The following SYT1 variants were observed in gnomAD, a reference collection of about 807,000 sequenced individuals.
The protein encoded by SYT1 is synaptotagmin-1.
In SYT1, 8 loss-of-function variants were observed where a neutral mutation model predicts 44.8. The observed-to-expected ratio is 0.18, with a 90% confidence interval of 0.10 to 0.32. SYT1 has a LOEUF of 0.32. Ranked by LOEUF, SYT1 falls within the 10% of genes least tolerant of loss-of-function variation. The probability of loss-of-function intolerance (pLI) is 1.00; values close to 1 mark genes in which losing one functional copy is unlikely to be tolerated. For synonymous variants in SYT1, 154 were observed against 188.8 expected, an observed-to-expected ratio of 0.82 and a Z score of 1.51; for missense variants, 286 against 509.3, an observed-to-expected ratio of 0.56 and a Z score of 4.22.
intron 9 of SYT1, among the ~76,000 whole-genome samples, chr12:79,432,460 G>A (rs368190705): frequency 6.6e-6 from 1 of 151,522 alleles, no homozygotes; most frequent in African/African-American, 2.4e-5. Context: ...GAGAACATGC[G>A]GTTTTTGGTT....
At chr12:79,124,705 A>T (rs1868348693) in intron 3 of SYT1, among the ~76,000 whole-genome samples, 1 of 152,164 alleles carries the variant, frequency 6.6e-6, no homozygotes, top group Non-Finnish European at 1.5e-5. Flanking sequence ...ATGAGTAGAA[A>T]ATAAGACTCT....
Position 79,321,386 on chromosome 12 carries a change from A to G in SYT1, c.810+21835A>G, listed in dbSNP as rs951079372. ...GGGTCCCTGGTAATGAACTTATGAA[A>G]GAAATGTATCATGTGAATATGGTGA... On this transcript the variant is annotated intron_variant, in intron 8 of 10. Coordinates refer to ENST00000261205, the MANE Select transcript of SYT1 (RefSeq NM_005639.3). Among the ~76,000 whole-genome samples the G allele has an allele frequency of 2.0e-5, 3 of 152,238 alleles. No homozygotes were observed. In the East Asian group the frequency reaches 5.8e-4, roughly 29 times the overall value.
At chr12:79,188,834 G>A (rs1026147138) in intron 3 of SYT1, among the ~76,000 whole-genome samples, 35 of 152,044 alleles carry the variant, frequency 2.3e-4, no homozygotes, top group African/African-American at 7.5e-4. Context: ...CAATGAATGT[G>A]GAGTAGTTGT....
intron 4 of SYT1, among the ~76,000 whole-genome samples, chr12:79,281,525 A>T (rs905348870): frequency 1.3e-5 from 2 of 152,040 alleles, no homozygotes; most frequent in Admixed American, 1.3e-4. Context: ...AACACTGGAG[A>T]CTCAAAAGTG....
chr12:79,203,843 T>C (rs1217977963), intron 3 of SYT1, among the ~76,000 whole-genome samples: 7 of 152,248 alleles, frequency 4.6e-5, no homozygotes, highest in Non-Finnish European at 1.0e-4. Flanking sequence ...TTATTTATAC[T>C]AGAGTATATT....
At chr12:79,340,617 G>T (rs565045664) in intron 8 of SYT1, among the ~76,000 whole-genome samples, 63 of 152,206 alleles carry the variant, frequency 4.1e-4, no homozygotes, top group Non-Finnish European at 8.4e-4. Context: ...CTGCAAACAG[G>T]GACAATTTGA....
At chr12:78,899,476 T>G (rs1252189004) in intron 1 of SYT1, among the ~76,000 whole-genome samples, 1 of 151,994 alleles carries the variant, frequency 6.6e-6, no homozygotes, top group Non-Finnish European at 1.5e-5. Context: ...ATAATTTGTA[T>G]TAAATACATA....
At chr12:79,365,849 AAGC>A (rs1883520410) in intron 9 of SYT1, among the ~76,000 whole-genome samples, 1 of 151,786 alleles carries the variant, frequency 6.6e-6, no homozygotes, top group Non-Finnish European at 1.5e-5. Context: ...AAAAAAAAAA[AAGC>A]AGGTCATTAG....
intron 9 of SYT1, among the ~76,000 whole-genome samples, chr12:79,419,925 C>T (rs1450723890): frequency 1.3e-5 from 2 of 152,184 alleles, no homozygotes; most frequent in East Asian, 3.9e-4. Flanking sequence ...TGTGCATTTT[C>T]AAGCTTTATA....
chr12:79,300,719 G>A (rs1360792056), intron 8 of SYT1, among the ~76,000 whole-genome samples: 2 of 145,546 alleles, frequency 1.4e-5, no homozygotes, highest in Admixed American at 7.0e-5. Context: ...AAAAAAGTAT[G>A]TATACTTATA....
chr12:79,051,045 GA>G (rs76568866), intron 3 of SYT1, among the ~76,000 whole-genome samples: 1 of 148,840 alleles, frequency 6.7e-6, no homozygotes, highest in Non-Finnish European at 1.5e-5. Context: ...TGATAGAATT[GA>G]AAAAAAAATC....
chr12:79,274,931 C>G (rs1335028075), intron 4 of SYT1, among the ~76,000 whole-genome samples: 1 of 152,214 alleles, frequency 6.6e-6, no homozygotes, highest in African/African-American at 2.4e-5. Context: ...CCCATCAGAG[C>G]TGGTGCTTGC....
At chr12:79,012,321 C>A (rs1025801630) in intron 2 of SYT1, among the ~76,000 whole-genome samples, 4 of 151,978 alleles carry the variant, frequency 2.6e-5, no homozygotes, top group African/African-American at 7.3e-5. Context: ...GAAGTTTCAC[C>A]ACCATATTAT....
chr12:79,044,888 T>C (rs1193675866), intron 2 of SYT1, among the ~76,000 whole-genome samples: 1 of 152,142 alleles, frequency 6.6e-6, no homozygotes, highest in African/African-American at 2.4e-5. Flanking sequence ...TACGCTGCCG[T>C]GTGAGGTGTC....
intron 2 of SYT1, among the ~76,000 whole-genome samples, chr12:78,987,236 T>C (rs1869704150): frequency 6.6e-6 from 1 of 152,064 alleles, no homozygotes; most frequent in Non-Finnish European, 1.5e-5. Context: ...GGAACATTTC[T>C]TTTAATGAGT....
At chr12:79,100,819 TA>T (rs1878404200) in intron 3 of SYT1, among the ~76,000 whole-genome samples, 1 of 152,130 alleles carries the variant, frequency 6.6e-6, no homozygotes, top group African/African-American at 2.4e-5. Flanking sequence ...TTAGAACACA[TA>T]AATGTATAAT....
chr12:79,044,880 C>T (rs1046223222), intron 2 of SYT1, among the ~76,000 whole-genome samples: 9 of 152,216 alleles, frequency 5.9e-5, no homozygotes, highest in African/African-American at 1.2e-4. Flanking sequence ...TGTTGGAGTA[C>T]GCTGCCGTGT....
intron 1 of SYT1, among the ~76,000 whole-genome samples, chr12:78,893,537 A>T (rs892167521): frequency 6.6e-6 from 1 of 151,786 alleles, no homozygotes; most frequent in South Asian, 2.1e-4. Context: ...TTAGATACTC[A>T]TGAAGTCTGA....
At chr12:78,901,057 C>G (rs184620584) in intron 1 of SYT1, among the ~76,000 whole-genome samples, 1 of 151,992 alleles carries the variant, frequency 6.6e-6, no homozygotes, top group Non-Finnish European at 1.5e-5. Context: ...AAACATCACA[C>G]TTTTTAAAAC....
Sources: allele counts gnomAD v4.1 joint callset (sites outside exome capture counted in the v4.1 genomes callset), GRCh38; gene constraint gnomAD v4.1.1; transcripts MANE v1.5; gene names NCBI Gene and HGNC (gene_info 2026-07-23, HGNC 2026-07-21).